The following DYM variants were observed in gnomAD, a reference collection of about 807,000 sequenced individuals.
The protein encoded by DYM is dyggve-Melchior-Clausen syndrome protein.
DYM carries 78 observed loss-of-function variants against 93.1 expected under a neutral mutation model. The observed-to-expected ratio is 0.84, with a 90% CI of 0.70 to 1.01. The LOEUF is 1.01. DYM is among the 50% of genes least tolerant of loss of function. DYM has a pLI of 0.00. For missense variants in DYM, 789 were observed against 845.0 expected, an observed-to-expected ratio of 0.93 and a Z score of 0.82; for synonymous variants, 321 against 319.7, an observed-to-expected ratio of 1.00 and a Z score of -0.04.
intron 15 of DYM, among the ~76,000 whole-genome samples, chr18:49,129,533 G>A (rs530252346): frequency 6.6e-6 from 1 of 152,330 alleles, no homozygotes; most frequent in South Asian, 2.1e-4. Flanking sequence ...GTCCACAGAA[G>A]TGGCAAAGAA....
chr18:49,298,691 A>C (rs1475913912), intron 8 of DYM, among the ~76,000 whole-genome samples: 1 of 152,052 alleles, frequency 6.6e-6, no homozygotes, highest in Admixed American at 6.5e-5. Flanking sequence ...AGAAAATAGA[A>C]CTGTTTCCAA....
At chr18:49,284,464 T>A (rs1397761137) in intron 9 of DYM, among the ~76,000 whole-genome samples, 2 of 152,192 alleles carry the variant, frequency 1.3e-5, no homozygotes, top group African/African-American at 2.4e-5. Context: ...AATACCAACA[T>A]TTGGCCTGAG....
chr18:49,456,371 G>C (rs1046540461), intron 1 of DYM, among the ~76,000 whole-genome samples: 1 of 152,132 alleles, frequency 6.6e-6, no homozygotes, highest in Non-Finnish European at 1.5e-5. Flanking sequence ...GATACAGGTA[G>C]GGTTTTCAAA....
intron 12 of DYM, 77 bp from the exon 13 acceptor site, chr18:49,257,181 G>A (rs1335754355): frequency 2.7e-6 from 3 of 1,131,272 alleles, no homozygotes; most frequent in African/African-American, 1.5e-5. Flanking sequence ...ATTAATAGAA[G>A]CAAATGTAAA....
At chr18:49,279,064 G>T (rs1568158994) in intron 10 of DYM, among the ~76,000 whole-genome samples, 1 of 152,148 alleles carries the variant, frequency 6.6e-6, no homozygotes, top group Non-Finnish European at 1.5e-5. Flanking sequence ...ATTCGCCCTA[G>T]ACACTATTCA....
intron 14 of DYM, among the ~76,000 whole-genome samples, chr18:49,202,914 G>A (rs958003124): frequency 7.3e-6 from 1 of 137,672 alleles, no homozygotes; most frequent in Admixed American, 7.2e-5. Context: ...GGGGGGGTCA[G>A]CCCCCCGCCT....
At chr18:49,141,876 T>TG (rs1315783296) in intron 15 of DYM, among the ~76,000 whole-genome samples, 2 of 152,140 alleles carry the variant, frequency 1.3e-5, no homozygotes, top group Non-Finnish European at 2.9e-5. Context: ...TTTGTTGAGA[T>TG]GGAGTCTCAC....
intron 13 of DYM, among the ~76,000 whole-genome samples, chr18:49,251,741 C>G (rs1452414365): frequency 6.6e-6 from 1 of 152,172 alleles, no homozygotes; most frequent in African/African-American, 2.4e-5. Flanking sequence ...AGAACATCAT[C>G]ACCAAGATTC....
At chr18:49,425,487 A>C (rs1192870043) in intron 2 of DYM, among the ~76,000 whole-genome samples, 1 of 152,182 alleles carries the variant, frequency 6.6e-6, no homozygotes, top group Non-Finnish European at 1.5e-5. Flanking sequence ...GGCATGGGCA[A>C]GGACTTCATG....
chr18:49,397,350 T>C (rs950089002), intron 2 of DYM, among the ~76,000 whole-genome samples: 3 of 152,220 alleles, frequency 2.0e-5, no homozygotes, highest in Non-Finnish European at 2.9e-5. Context: ...TTAAATTCCA[T>C]GAAAATCTCT....
At chr18:49,330,707 G>T (rs2063244652) in intron 8 of DYM, among the ~76,000 whole-genome samples, 3 of 152,098 alleles carry the variant, frequency 2.0e-5, no homozygotes, top group Non-Finnish European at 2.9e-5. Flanking sequence ...CCAGTTTAAT[G>T]ATTTTTAAAA....
rs371429994 is a variant in DYM, at chr18:49,293,866, T to C, written c.764-7250A>G. ...TGGCTTTTGTTGTCATTGCTTTTGA[T>C]GTTTTAGTCATGGAATCTTTGCCCA... is the stretch of plus-strand genomic sequence containing the variant. On this transcript the variant is annotated intron_variant, in intron 8 of 17. Transcript: ENST00000675505. Among the ~76,000 whole-genome samples, 9 of 152,358 alleles carry C rather than the reference T, an allele frequency of 5.9e-5. No homozygotes were observed. The East Asian group carries it at 1.5e-3, about 26-fold the overall frequency.
rs916360624 is a variant in DYM at position 49,042,656 on chromosome 18, G to A, written c.*1399C>T. 1.4e-4 allele frequency: 21 copies of A among 152,248 alleles called. No individual in the cohort carries two copies. The highest frequency in any genetic ancestry group is 2.0e-4 in the Admixed American group (3 of 15,284). The allele number at this position is 152,248 out of a possible 1,614,324, so 9.4% of individuals were successfully genotyped here. On this transcript the variant is annotated 3_prime_UTR_variant, in exon 18 of 18. Coordinates refer to ENST00000675505, the MANE Select transcript of DYM (RefSeq NM_001353214.3). Reference sequence around the variant, plus strand: ...GGATTCGAACAGTGTGCTCAGTCTCGTCTGGGCTTTTGTGCTTTCTATGTT... The same window carrying A: ...GGATTCGAACAGTGTGCTCAGTCTCATCTGGGCTTTTGTGCTTTCTATGTT...
chr18:49,138,492 C>A (rs2084096457), intron 15 of DYM, among the ~76,000 whole-genome samples: 1 of 152,162 alleles, frequency 6.6e-6, no homozygotes, highest in Non-Finnish European at 1.5e-5. Flanking sequence ...GCCCAGCAGT[C>A]TCTGTTTCAC....
At chr18:49,434,398 T>C (rs970241939) in intron 1 of DYM, among the ~76,000 whole-genome samples, 1 of 150,246 alleles carries the variant, frequency 6.7e-6, no homozygotes, top group African/African-American at 2.5e-5. Context: ...CAGGTACCTG[T>C]AATCCCAGCT....
chr18:49,126,342 T>C (rs895481034), intron 15 of DYM: 15 of 152,214 alleles, frequency 9.9e-5, no homozygotes, highest in Non-Finnish European at 1.3e-4. Flanking sequence ...AAGTATCAAA[T>C]TTTTGACTAA....
intron 15 of DYM, among the ~76,000 whole-genome samples, chr18:49,127,304 A>C (rs1261374398): frequency 6.6e-6 from 1 of 152,236 alleles, no homozygotes; most frequent in Non-Finnish European, 1.5e-5. Flanking sequence ...AAGCTCAACA[A>C]ATTCTATGCG....
At chr18:49,252,638 T>C (rs2094315410) in intron 13 of DYM, among the ~76,000 whole-genome samples, 1 of 152,094 alleles carries the variant, frequency 6.6e-6, no homozygotes, top group Non-Finnish European at 1.5e-5. Flanking sequence ...CATAGACATA[T>C]ATGTGATCTC....
At chr18:49,389,612 T>A (rs547494710) in intron 3 of DYM, among the ~76,000 whole-genome samples, 2 of 152,192 alleles carry the variant, frequency 1.3e-5, no homozygotes, top group African/African-American at 4.8e-5. Context: ...TCCTCCTACC[T>A]CAATCTCGCA....
Sources: gnomAD v4.1 joint callset for allele counts (sites outside exome capture counted in the v4.1 genomes callset) on GRCh38, gnomAD v4.1.1 for gene constraint, MANE v1.5 for transcripts, NCBI Gene and HGNC (gene_info 2026-07-23, HGNC 2026-07-21) for gene names.